Variants in DHRSX observed in about 807,000 individuals in gnomAD.
DHRSX encodes polyprenol dehydrogenase.
Under a neutral mutation model 34.0 loss-of-function variants are expected in DHRSX, and 31 were observed. The observed-to-expected ratio is 0.91, with a 90% CI of 0.69 to 1.23. The LOEUF (loss-of-function observed/expected upper bound fraction) is 1.23. DHRSX is among the 50% of genes most tolerant of loss of function. The pLI is 0.00. For missense variants in DHRSX, 414 were observed against 428.1 expected (o/e 0.97, Z 0.29); for synonymous variants, 201 against 183.8 (o/e 1.09, Z -0.76).
At chrX:2,229,064 G>C (rs913738332) in intron 6 of DHRSX, among the ~76,000 whole-genome samples, 6 of 152,178 alleles carry the variant, frequency 3.9e-5, no homozygotes, top group Non-Finnish European at 7.4e-5. Context: ...GCAGAGGCTC[G>C]TTCGCCTTCT....
chrX:2,500,944 G>T lies in DHRSX; in HGVS notation c.-19C>A. On this transcript the variant is annotated 5_prime_UTR_variant, in exon 1 of 7. Transcript: ENST00000334651. ...GCGACATGGCTGCCCCGGCCGCGCC[G>T]CCGCCGCTTCCGCGCCGCCCGCGGG... 9.6e-7 allele frequency: 1 copy of T among 1,039,406 alleles called. No homozygotes were observed. Among genetic ancestry groups the T allele is most frequent in the Non-Finnish European group, 1.2e-6 (1 of 865,346 alleles). 64.4% of individuals were successfully genotyped at this position (1,039,406 alleles called of 1,614,324 possible). A position where few individuals can be genotyped will look rare whatever the true frequency, so the allele number is the denominator to read the frequency against.
intron 4 of DHRSX, 65 bp from the exon 5 acceptor site, chrX:2,267,012 G>A: frequency 6.5e-7 from 1 of 1,536,094 alleles, no homozygotes; most frequent in Non-Finnish European, 9.0e-7. Context: ...CTCACAGATG[G>A]ATTCCCCAGA....
chrX:2,389,780 TA>T (rs1241757661), intron 3 of DHRSX, among the ~76,000 whole-genome samples: 1 of 152,104 alleles, frequency 6.6e-6, no homozygotes. Flanking sequence ...TTACTTATTT[TA>T]TTTTTTTTTT....
chrX:2,330,758 G>A (rs184684687), intron 3 of DHRSX, among the ~76,000 whole-genome samples: 14 of 151,148 alleles, frequency 9.3e-5, no homozygotes, highest in African/African-American at 3.2e-4. Flanking sequence ...GAAGAGAAGA[G>A]GAAAGAAGAC....
intron 6 of DHRSX, among the ~76,000 whole-genome samples, chrX:2,224,891 T>TCACACTCGCACACA (rs1336885210): frequency 4.0e-5 from 5 of 126,306 alleles, no homozygotes; most frequent in African/African-American, 1.5e-4. Context: ...GCACACATGC[T>TCACACTCGCACACA]CACACTCGCA....
intron 1 of DHRSX, among the ~76,000 whole-genome samples, chrX:2,439,335 T>G (rs1238585398): frequency 6.6e-6 from 1 of 152,104 alleles, no homozygotes; most frequent in Non-Finnish European, 1.5e-5. Context: ...CATTACAGAA[T>G]GTATATACAT....
intron 6 of DHRSX, among the ~76,000 whole-genome samples, chrX:2,226,012 A>G (rs2015651126): frequency 1.3e-5 from 2 of 152,030 alleles, no homozygotes; most frequent in Admixed American, 1.3e-4. Context: ...CCAAGGAGAG[A>G]GGCCTCGGGA....
intron 2 of DHRSX, among the ~76,000 whole-genome samples, chrX:2,412,066 C>T (rs1157864953): frequency 2.0e-5 from 3 of 152,188 alleles, no homozygotes; most frequent in East Asian, 1.9e-4. Flanking sequence ...AGGAACTGGA[C>T]GTGGGACATT....
In DHRSX at chrX:2,496,074, A is replaced by C. The variant is rs1379477647; in HGVS notation, c.109+4743T>G. 3.3e-5 allele frequency among the ~76,000 whole-genome samples: 5 copies of C among 152,304 alleles called. No homozygotes were observed. The East Asian group carries it at 9.6e-4, about 29-fold the overall frequency. On this transcript the variant is annotated intron_variant, in intron 1 of 6. Transcript: ENST00000334651. Reference sequence around the variant, plus strand: ...ATACAGCACATGGCCAAAGGGTACCAAGTTTCTGTTCGACAGGAGGAATCC... The same window carrying C: ...ATACAGCACATGGCCAAAGGGTACCCAGTTTCTGTTCGACAGGAGGAATCC...
intron 2 of DHRSX, among the ~76,000 whole-genome samples, chrX:2,412,377 C>T (rs2043642202): frequency 6.6e-6 from 1 of 152,174 alleles, no homozygotes. Context: ...AGCCACTGCA[C>T]CCGGCCTGGT....
At chrX:2,243,290 T>A in intron 5 of DHRSX, 60 bp from the exon 6 acceptor site, 1 of 1,486,544 alleles carries the variant, frequency 6.7e-7, no homozygotes, top group Non-Finnish European at 9.3e-7. Flanking sequence ...AAGTGCTTCA[T>A]CCCAGCAGCA....
chrX:2,485,546 G>A (rs899543603), intron 1 of DHRSX, among the ~76,000 whole-genome samples: 1 of 142,808 alleles, frequency 7.0e-6, no homozygotes, highest in Non-Finnish European at 1.5e-5. Flanking sequence ...AGGGAGAAAA[G>A]GGAGGGAGGG....
intron 6 of DHRSX, among the ~76,000 whole-genome samples, chrX:2,229,593 C>T (rs1057026854): frequency 5.5e-4 from 83 of 151,708 alleles, no homozygotes; most frequent in Non-Finnish European, 9.0e-4. Context: ...TGCATAGGTA[C>T]GCATTTATGT....
chrX:2,464,315 C>A (rs1483094932), intron 1 of DHRSX, among the ~76,000 whole-genome samples: 2 of 151,686 alleles, frequency 1.3e-5, no homozygotes, highest in African/African-American at 2.4e-5. Flanking sequence ...GCCATGTACA[C>A]ACTGAAGAGG....
chrX:2,362,065 A>ACTTT (rs2042940276), intron 3 of DHRSX, among the ~76,000 whole-genome samples: 1 of 152,194 alleles, frequency 6.6e-6, no homozygotes, highest in Non-Finnish European at 1.5e-5. Context: ...TCAAATTCAA[A>ACTTT]GAAAAGGAAG....
intron 1 of DHRSX, among the ~76,000 whole-genome samples, chrX:2,477,113 G>A (rs1388095310): frequency 6.6e-6 from 1 of 152,118 alleles, no homozygotes; most frequent in East Asian, 1.9e-4. Context: ...GGAAATCAGG[G>A]ACTTCACGAT....
intron 3 of DHRSX, among the ~76,000 whole-genome samples, chrX:2,330,730 TAGG>T (rs1282956682): frequency 2.5e-5 from 3 of 117,848 alleles, no homozygotes; most frequent in Non-Finnish European, 5.3e-5. Context: ...AAGGAAGAAG[TAGG>T]AGGGGAAGAG....
chrX:2,240,401 A>C (rs2016113913), intron 6 of DHRSX, among the ~76,000 whole-genome samples: 1 of 152,096 alleles, frequency 6.6e-6, no homozygotes, highest in Admixed American at 6.6e-5. Flanking sequence ...GGAAGTAATT[A>C]ATCCCCTCAA....
intron 5 of DHRSX, among the ~76,000 whole-genome samples, chrX:2,249,184 C>T (rs904350716): frequency 7.2e-6 from 1 of 138,068 alleles, no homozygotes; most frequent in Non-Finnish European, 1.5e-5. Flanking sequence ...TCTTTAAAAT[C>T]ATAAATCTTT....
Sources: allele counts gnomAD v4.1 joint callset (sites outside exome capture counted in the v4.1 genomes callset), GRCh38; gene constraint gnomAD v4.1.1; transcripts MANE v1.5; gene names NCBI Gene and HGNC (gene_info 2026-07-23, HGNC 2026-07-21).